INPP4B: variants seen among roughly 807,000 people sequenced by gnomAD.
INPP4B encodes inositol polyphosphate-4-phosphatase type II B.
A neutral mutation model predicts 122.5 loss-of-function variants in INPP4B; 55 were observed. The observed-to-expected ratio is 0.45, with a 90% confidence interval of 0.36 to 0.56. INPP4B has a LOEUF of 0.56. Among genes scored for constraint, INPP4B ranks in the 20% least tolerant of loss-of-function variants. INPP4B has a pLI of 0.00. For synonymous variants in INPP4B, 403 were observed against 388.7 expected (o/e 1.04, Z -0.43); for missense variants, 1,000 against 1,097.7 (o/e 0.91, Z 1.26).
At chr4:142,445,753 T>C (rs181834659) in intron 3 of INPP4B, among the ~76,000 whole-genome samples, 1 of 152,278 alleles carries the variant, frequency 6.6e-6, no homozygotes, top group Non-Finnish European at 1.5e-5. Context: ...AAAGTGCTTA[T>C]GGAATATTCA....
At position 142,028,824 on chromosome 4, in the gene INPP4B, G is replaced by A. The variant is rs1254047790; in HGVS notation, c.2733C>T (p.Tyr911=). Residue 911 remains tyrosine, a synonymous_variant, in exon 26 of 26, where the codon TAC becomes TAT. Transcript: ENST00000262992. ...NMLQLMAFPK[Y]YRPPEGTYGK... ...CATAAGTCCCCTCTGGAGGTCTGTA[G>A]TACTTGGGGAAAGCCATCAGCTGTA... is the stretch of plus-strand genomic sequence containing the variant. 1.9e-6 allele frequency: 3 copies of A among 1,613,558 alleles called. 1 individual carries two copies. In the African/African-American group the frequency reaches 4.0e-5, roughly 22 times the overall value.
At chr4:142,807,938 G>A (rs1160753618) in intron 1 of INPP4B, among the ~76,000 whole-genome samples, 1 of 152,022 alleles carries the variant, frequency 6.6e-6, no homozygotes, top group Non-Finnish European at 1.5e-5. Context: ...ACTATGCATG[G>A]GTTGCACAGG....
In INPP4B at chr4:142,121,350, A is replaced by G. The variant is rs950804330; in HGVS notation, c.2135+778T>C. Among the ~76,000 whole-genome samples, 4 of 152,200 alleles carry G rather than the reference A, an allele frequency of 2.6e-5. No individual in the cohort carries two copies. In the East Asian group the frequency reaches 7.7e-4, roughly 29 times the overall value. On this transcript the variant is annotated intron_variant, in intron 21 of 25. Coordinates refer to ENST00000262992, the MANE Select transcript of INPP4B (RefSeq NM_001101669.3). ...GGAAAACAAGTTTACTTTGAACTTT[A>G]TACTCAGTGTGTTTTGCATCTCTCT...
chr4:142,825,419 T>C (rs1055408626), intron 1 of INPP4B, among the ~76,000 whole-genome samples: 2 of 152,176 alleles, frequency 1.3e-5, no homozygotes, highest in East Asian at 3.9e-4. Flanking sequence ...CAAGTTGTTT[T>C]CTTTCTAAAC....
chr4:142,822,470 C>T (rs1481886837), intron 1 of INPP4B, among the ~76,000 whole-genome samples: 3 of 152,134 alleles, frequency 2.0e-5, no homozygotes, highest in Non-Finnish European at 4.4e-5. Context: ...AGCTCTGCCT[C>T]CTGTCAGATC....
chr4:142,503,532 T>C (rs1823646451), intron 2 of INPP4B, among the ~76,000 whole-genome samples: 1 of 152,022 alleles, frequency 6.6e-6, no homozygotes, highest in South Asian at 2.1e-4. Context: ...CTAAACCAAA[T>C]AAGAAGGTCT....
At chr4:142,803,649 T>TA (rs34262906) in intron 1 of INPP4B, among the ~76,000 whole-genome samples, 12,059 of 138,808 alleles carry the variant, frequency 0.087, 558 homozygotes, top group Non-Finnish European at 0.1. Context: ...CAATAAAACT[T>TA]AAAAAAAAAA....
At chr4:142,383,768 A>T (rs1198996844) in intron 7 of INPP4B, 3 of 319,168 alleles carry the variant, frequency 9.4e-6, no homozygotes, top group East Asian at 5.2e-5. Context: ...TATTCACAAC[A>T]GTGGTTGCAC....
intron 1 of INPP4B, among the ~76,000 whole-genome samples, chr4:142,764,768 C>A (rs1315206945): frequency 6.6e-6 from 1 of 151,886 alleles, no homozygotes; most frequent in East Asian, 1.9e-4. Flanking sequence ...GACAAGAGAC[C>A]CTTAACAGGA....
At chr4:142,138,268 C>T (rs1805730405) in intron 18 of INPP4B, among the ~76,000 whole-genome samples, 1 of 151,058 alleles carries the variant, frequency 6.6e-6, no homozygotes, top group Non-Finnish European at 1.5e-5. Context: ...TCATCATTCT[C>T]AGTAAACTAT....
chr4:142,369,651 G>C (rs1789049298), intron 7 of INPP4B, among the ~76,000 whole-genome samples: 1 of 151,238 alleles, frequency 6.6e-6, no homozygotes, highest in Non-Finnish European at 1.5e-5. Flanking sequence ...AAAAGGCTGG[G>C]CTCAGTGGCT....
At chr4:142,295,372 G>C (rs574284138) in intron 9 of INPP4B, among the ~76,000 whole-genome samples, 15 of 152,302 alleles carry the variant, frequency 9.8e-5, no homozygotes, top group African/African-American at 3.4e-4. Flanking sequence ...GTGGATGGAG[G>C]CATGATGTGT....
Position 142,375,144 on chromosome 4 carries a change from C to T in INPP4B, c.372+27794G>A, listed in dbSNP as rs946820282. Among the ~76,000 whole-genome samples the T allele has an allele frequency of 5.3e-5, 8 of 151,774 alleles. No homozygotes were observed. In the East Asian group the frequency reaches 9.7e-4, roughly 18 times the overall value. On this transcript the variant is annotated intron_variant, in intron 7 of 25. Transcript: ENST00000262992. ...ATTTTCTGAAAGGCCAGCAACCTCCCAATCAATAAATCCATTTTTTTTTCA... is the reference window on the plus strand; with the variant it reads ...ATTTTCTGAAAGGCCAGCAACCTCCTAATCAATAAATCCATTTTTTTTTCA...
At chr4:142,448,001 A>AAAGTGAGAT (rs1813281515) in intron 3 of INPP4B, among the ~76,000 whole-genome samples, 1 of 152,186 alleles carries the variant, frequency 6.6e-6, no homozygotes, top group Non-Finnish European at 1.5e-5. Flanking sequence ...TTATATTTTA[A>AAAGTGAGAT]AAGTGAGATG....
intron 2 of INPP4B, among the ~76,000 whole-genome samples, chr4:142,506,721 C>G (rs2322795): frequency 0.31 from 46,442 of 152,016 alleles, 8,211 homozygotes; most frequent in East Asian, 0.47. Flanking sequence ...GAGCTAGAAA[C>G]ATGGGGAGAT....
chr4:142,501,121 G>C (rs1823318428), intron 2 of INPP4B, among the ~76,000 whole-genome samples: 1 of 152,152 alleles, frequency 6.6e-6, no homozygotes, highest in African/African-American at 2.4e-5. Flanking sequence ...ACTTCCGTAA[G>C]CATCAATTAG....
At chr4:142,160,838 C>T (rs953644205) in intron 16 of INPP4B, among the ~76,000 whole-genome samples, 2 of 152,170 alleles carry the variant, frequency 1.3e-5, no homozygotes, top group South Asian at 4.1e-4. Flanking sequence ...CTTTTAGTTT[C>T]ACAAATCCTG....
At chr4:142,617,129 C>T (rs925150745) in intron 2 of INPP4B, among the ~76,000 whole-genome samples, 2 of 152,044 alleles carry the variant, frequency 1.3e-5, no homozygotes, top group Non-Finnish European at 2.9e-5. Context: ...CCTCTATTTG[C>T]TCAAACATGC....
chr4:142,253,852 C>T (rs1278412001), intron 11 of INPP4B, among the ~76,000 whole-genome samples: 1 of 152,086 alleles, frequency 6.6e-6, no homozygotes, highest in African/African-American at 2.4e-5. Context: ...TGGAGCCCAC[C>T]ACAGCTCAAG....
Sources: allele counts gnomAD v4.1 joint callset (sites outside exome capture counted in the v4.1 genomes callset), GRCh38; gene constraint gnomAD v4.1.1; transcripts MANE v1.5; gene names NCBI Gene and HGNC (gene_info 2026-07-23, HGNC 2026-07-21).